KCNAB1: variants seen among roughly 807,000 people sequenced by gnomAD.
KCNAB1 encodes voltage-gated potassium channel subunit beta-1.
In KCNAB1, 35 loss-of-function variants were observed where a neutral mutation model predicts 64.6. The observed-to-expected ratio is 0.54, with a 90% confidence interval of 0.41 to 0.72. The LOEUF (loss-of-function observed/expected upper bound fraction) is 0.72, where lower values mean the gene tolerates loss of function less well. Among genes scored for constraint, KCNAB1 ranks in the 30% least tolerant of loss-of-function variants. The pLI, the probability that KCNAB1 is intolerant of heterozygous loss-of-function variation, is 0.00. For missense variants in KCNAB1, 401 were observed against 512.9 expected, an observed-to-expected ratio of 0.78 and a Z score of 2.11; for synonymous variants, 177 against 183.8, an observed-to-expected ratio of 0.96 and a Z score of 0.30.
chr3:156,316,915 GA>G (rs1316972979), intron 1 of KCNAB1, among the ~76,000 whole-genome samples: 1 of 152,192 alleles, frequency 6.6e-6, no homozygotes, highest in Non-Finnish European at 1.5e-5. Context: ...TGGATCTGCA[GA>G]AGCAAATGGA....
intron 11 of KCNAB1, among the ~76,000 whole-genome samples, chr3:156,519,561 A>G (rs755108456): frequency 1.3e-5 from 2 of 152,222 alleles, no homozygotes; most frequent in Non-Finnish European, 2.9e-5. Flanking sequence ...CACTTCTTAC[A>G]GGGTCTTCTA....
intron 1 of KCNAB1, among the ~76,000 whole-genome samples, chr3:156,367,082 A>T (rs927052228): frequency 4.0e-5 from 6 of 151,740 alleles, no homozygotes; most frequent in Admixed American, 3.3e-4. Context: ...AATTTCAGAG[A>T]GTTTTGTAGT....
chr3:156,247,482 C>T (rs1717527955), intron 1 of KCNAB1, among the ~76,000 whole-genome samples: 1 of 152,148 alleles, frequency 6.6e-6, no homozygotes. Flanking sequence ...AACTCTTACT[C>T]ATCCTTCAAG....
intron 1 of KCNAB1, chr3:156,175,908 G>C (rs1712338007): frequency 1.2e-6 from 1 of 820,318 alleles, no homozygotes; most frequent in Non-Finnish European, 2.1e-6. Context: ...TGAAGGGCTA[G>C]TCAGGGTGGA....
Position 156,233,289 on chromosome 3 carries a change from T to C in KCNAB1, c.275+112403T>C, listed in dbSNP as rs777687314. Among the ~76,000 whole-genome samples the C allele has an allele frequency of 7.1e-4, 108 of 151,944 alleles. 1 individual carries two copies. Among genetic ancestry groups the C allele is most frequent in the Admixed American group, 3.9e-4 (6 of 15,260 alleles). On this transcript the variant is annotated intron_variant, in intron 1 of 13. Coordinates refer to ENST00000490337, the MANE Select transcript of KCNAB1 (RefSeq NM_172160.3). Reference sequence around the variant, plus strand: ...AGAAAAATAAAACCAGAATGGAGGATATGGGAGAACAGGGGGCTGCAAGTG... The same window carrying C: ...AGAAAAATAAAACCAGAATGGAGGACATGGGAGAACAGGGGGCTGCAAGTG...
rs1429308306 is a variant in KCNAB1, at chr3:156,508,215, A to T, written c.659-6149A>T. 1.3e-5 allele frequency among the ~76,000 whole-genome samples: 2 copies of T among 152,116 alleles called. No homozygotes were observed. Among genetic ancestry groups the T allele is most frequent in the Non-Finnish European group, 2.9e-5 (2 of 67,996 alleles). On this transcript the variant is annotated intron_variant, in intron 8 of 13. Transcript: ENST00000490337. This position sits in a 1 kb window ranked among gnomAD's most constrained non-coding sequence, Gnocchi z 4.1. Reference sequence around the variant, plus strand: ...AAGGAACTGCACTGGATTACCTCTAAGGCTTCTTTTGCTTTTATCTTTTTT... The same window carrying T: ...AAGGAACTGCACTGGATTACCTCTATGGCTTCTTTTGCTTTTATCTTTTTT...
At chr3:156,234,519 A>T (rs1375192835) in intron 1 of KCNAB1, among the ~76,000 whole-genome samples, 1 of 151,588 alleles carries the variant, frequency 6.6e-6, no homozygotes, top group Non-Finnish European at 1.5e-5. Context: ...GAAGCTTCCT[A>T]TGCCTTCTAT....
chr3:156,191,684 CA>C (rs533780367), intron 1 of KCNAB1, among the ~76,000 whole-genome samples: 3 of 152,096 alleles, frequency 2.0e-5, no homozygotes, highest in East Asian at 3.9e-4. Flanking sequence ...AAAATACTTT[CA>C]AAAAAATGTC....
chr3:156,373,181 A>G (rs1378781327), intron 1 of KCNAB1, among the ~76,000 whole-genome samples: 1 of 152,236 alleles, frequency 6.6e-6, no homozygotes, highest in Non-Finnish European at 1.5e-5. Context: ...GCAGCTGAGC[A>G]GCTGAAACTG....
At chr3:156,176,771 T>A (rs776363089) in intron 1 of KCNAB1, 2 of 889,616 alleles carry the variant, frequency 2.2e-6, no homozygotes, top group Non-Finnish European at 3.8e-6. Flanking sequence ...GAGGTCCTGC[T>A]TGCAGCAAAG....
At chr3:156,302,747 T>C (rs1022383375) in intron 1 of KCNAB1, among the ~76,000 whole-genome samples, 7 of 152,182 alleles carry the variant, frequency 4.6e-5, no homozygotes, top group Admixed American at 4.6e-4. Flanking sequence ...TTTTTTCTTT[T>C]TTTGCTACCA....
chr3:156,459,946 T>C (rs1404785142), intron 5 of KCNAB1, 75 bp downstream of exon 5: 48 of 1,014,944 alleles, frequency 4.7e-5, no homozygotes, highest in Non-Finnish European at 3.1e-6. Flanking sequence ...TAAAATTATA[T>C]GACACCTGAC....
At chr3:156,493,820 G>T (rs776947228) in intron 8 of KCNAB1, among the ~76,000 whole-genome samples, 3 of 152,114 alleles carry the variant, frequency 2.0e-5, no homozygotes, top group Non-Finnish European at 4.4e-5. Flanking sequence ...ATTAAATTCA[G>T]ATTAAGCACT....
intron 1 of KCNAB1, among the ~76,000 whole-genome samples, chr3:156,236,087 TAATAAC>T (rs1716831720): frequency 6.6e-6 from 1 of 152,182 alleles, no homozygotes; most frequent in Non-Finnish European, 1.5e-5. Context: ...TTAAAAAATA[TAATAAC>T]AATAACAATA....
intron 1 of KCNAB1, among the ~76,000 whole-genome samples, chr3:156,146,374 A>C (rs1715040030): frequency 6.6e-6 from 1 of 152,168 alleles, no homozygotes; most frequent in Non-Finnish European, 1.5e-5. Flanking sequence ...AATTGTCTTT[A>C]TTACATAGCA....
chr3:156,121,559 G>A (rs949997326), intron 1 of KCNAB1, among the ~76,000 whole-genome samples: 1 of 152,128 alleles, frequency 6.6e-6, no homozygotes, highest in African/African-American at 2.4e-5. Context: ...GTGTTCCAAG[G>A]CAAAACGTAC....
chr3:156,358,810 A>C (rs1208697864), intron 1 of KCNAB1, among the ~76,000 whole-genome samples: 1 of 152,204 alleles, frequency 6.6e-6, no homozygotes, highest in Non-Finnish European at 1.5e-5. Context: ...ATGAAGGTTA[A>C]GTAAGTTGGT....
intron 1 of KCNAB1, among the ~76,000 whole-genome samples, chr3:156,268,961 A>G (rs1486830161): frequency 3.3e-5 from 5 of 152,160 alleles, no homozygotes; most frequent in Non-Finnish European, 7.4e-5. Flanking sequence ...AGTTTCCTCA[A>G]TGTTTTCTTG....
chr3:156,123,697 G>A (rs562266525), intron 1 of KCNAB1, among the ~76,000 whole-genome samples: 66 of 152,272 alleles, frequency 4.3e-4, no homozygotes, highest in Non-Finnish European at 7.9e-4. Context: ...GATTTTTTTA[G>A]AATGACAGCT....
Sources: gnomAD v4.1 joint callset for allele counts (sites outside exome capture counted in the v4.1 genomes callset) on GRCh38, gnomAD v4.1.1 for gene constraint, Gnocchi (gnomAD v3.1) non-coding constraint, MANE v1.5 for transcripts, NCBI Gene and HGNC (gene_info 2026-07-23, HGNC 2026-07-21) for gene names.